Variants in PRPF8 observed in about 807,000 individuals in gnomAD.
PRPF8 encodes pre-mRNA processing factor 8.
A neutral mutation model predicts 285.9 loss-of-function variants in PRPF8; 64 were observed. The observed-to-expected ratio is 0.22, with a 90% CI of 0.18 to 0.28. PRPF8 has a LOEUF of 0.28. Among genes scored for constraint, PRPF8 ranks in the 10% least tolerant of loss-of-function variants. PRPF8 has a pLI of 1.00. For missense variants in PRPF8, 1,426 were observed against 3,026.7 expected, an observed-to-expected ratio of 0.47 and a Z score of 12.41; for synonymous variants, 1,325 against 1,118.2, an observed-to-expected ratio of 1.18 and a Z score of -3.69.
At chr17:1,670,935 CAA>C (rs760394063) in intron 24 of PRPF8, among the ~76,000 whole-genome samples, 6 of 119,958 alleles carry the variant, frequency 5.0e-5, no homozygotes, top group Non-Finnish European at 3.4e-5. Flanking sequence ...TGTGGGAAGC[CAA>C]AAAAAAAAAA....
At position 1,653,948 on chromosome 17, in the gene PRPF8, G is replaced by A. The variant is rs756003229; in HGVS notation, c.6056C>T (p.Pro2019Leu). ...DIILGMEISA[P>L]SQQRQQIAEI... Reference sequence around the variant, plus strand: ...AGCGATCTGCTGCCGCTGCTGTGACGGTGCCGAGATCTCCATACCCAGGAT... The same window carrying A: ...AGCGATCTGCTGCCGCTGCTGTGACAGTGCCGAGATCTCCATACCCAGGAT... The change falls in exon 38 of 43, where the codon CCG becomes CTG. Residue 2019 changes from proline to leucine, a missense_variant. By Grantham distance (98) the Pro-to-Leu change is moderately conservative (BLOSUM62 -3). This residue lies in a region of PRPF8 where 160 missense variants were observed against 373.7 expected (regional missense o/e 0.43). Coordinates refer to ENST00000304992, the MANE Select transcript of PRPF8 (RefSeq NM_006445.4). This position sits in a 1 kb window ranked among gnomAD's most constrained non-coding sequence, Gnocchi z 4.9. 1.9e-6 allele frequency: 3 copies of A among 1,613,542 alleles called. No individual in the cohort carries two copies. The highest frequency in any genetic ancestry group is 1.3e-5 in the African/African-American group (1 of 74,682).
chr17:1,670,156 T>C (rs75074800), intron 24 of PRPF8, among the ~76,000 whole-genome samples: 17,829 of 152,246 alleles, frequency 0.12, 1,397 homozygotes, highest in Middle Eastern at 0.19. Flanking sequence ...TGTGTATATA[T>C]GTACTTAAAT....
rs769587384 is a variant in PRPF8, at chr17:1,680,710, C to T, written c.1098+16G>A. On this transcript the variant is annotated intron_variant, in intron 8 of 42. Coordinates refer to ENST00000304992, the MANE Select transcript of PRPF8 (RefSeq NM_006445.4). ...TCCTAGAAGAGCTGAGGGAAAGCAT[C>T]CCTTCCCTTCCTCACCTTGACTGAG... 14 of 1,589,654 alleles carry T rather than the reference C, an allele frequency of 8.8e-6. No individual in the cohort carries two copies. The Admixed American group carries it at 2.3e-4, about 27-fold the overall frequency.
chr17:1,654,100 G>C, intron 37 of PRPF8, 84 bp from the exon 38 acceptor site: 1 of 1,602,020 alleles, frequency 6.2e-7, no homozygotes, highest in Non-Finnish European at 8.5e-7. Context: ...AACTTGGTAG[G>C]ACAGGACAGC....
chr17:1,654,213 C>G (rs1273743000), intron 37 of PRPF8, 197 bp from the exon 38 acceptor site: 2 of 760,728 alleles, frequency 2.6e-6, no homozygotes, highest in Non-Finnish European at 4.5e-6. Flanking sequence ...AGCGGGACAG[C>G]ACACTGCGTG....
At position 1,661,368 on chromosome 17, in the gene PRPF8, C is replaced by T; in HGVS notation, c.4241G>A (p.Arg1414His). The T allele has an allele frequency of 6.2e-7, 1 of 1,614,164 alleles. No homozygotes were observed. The highest frequency in any genetic ancestry group is 8.5e-7 in the Non-Finnish European group (1 of 1,180,028). The change falls in exon 27 of 43, where the codon CGT (arginine) becomes CAT (histidine). Residue 1414 changes from arginine to histidine, a missense_variant. This residue lies in a region of PRPF8 where 40 missense variants were observed against 121.6 expected (regional missense o/e 0.33). Transcript: ENST00000304992. This position sits in a 1 kb window ranked among gnomAD's most constrained non-coding sequence, Gnocchi z 7.3. The part of the protein sequence containing the change: ...TLEDLEDSWD[R>H]GIPRINTLFQ... Reference sequence around the variant, plus strand: ...GAGGGTATTGATTCGAGGAATGCCACGATCCCATGAATCTTCTAGGTCTTC... The same window carrying T: ...GAGGGTATTGATTCGAGGAATGCCATGATCCCATGAATCTTCTAGGTCTTC...
In PRPF8 at chr17:1,658,207, A is replaced by G; in HGVS notation, c.5505+46T>C. ...TATTACCAAGTCCACCCCAAGAATA[A>G]GAGGCAACATGGTTCTACAGCCTCT... On this transcript the variant is annotated intron_variant, in intron 34 of 42. Transcript: ENST00000304992. This position sits in a 1 kb window ranked among gnomAD's most constrained non-coding sequence, Gnocchi z 4.1. 3 of 1,613,526 alleles carry G rather than the reference A, an allele frequency of 1.9e-6. No homozygotes were observed. The highest frequency in any genetic ancestry group is 2.5e-6 in the Non-Finnish European group (3 of 1,179,954).
intron 13 of PRPF8, among the ~76,000 whole-genome samples, chr17:1,678,170 C>A (rs555980590): frequency 1.9e-4 from 29 of 152,218 alleles, no homozygotes; most frequent in Admixed American, 1.8e-3. Context: ...CAAAAACTAG[C>A]CAGGCATGGT....
At position 1,659,410 on chromosome 17, in the gene PRPF8, G is replaced by A. The variant is rs1375548386; in HGVS notation, c.5085C>T (p.Tyr1695=). The change falls in exon 32 of 43, where the codon TAC becomes TAT. Residue 1695 remains tyrosine, a synonymous_variant. Transcript: ENST00000304992. This position sits in a 1 kb window ranked among gnomAD's most constrained non-coding sequence, Gnocchi z 5.1. ...CGATGAGTACACCTGTGGGCGAAGG[G>A]TAGATACTCATGTTGTCGGTGGTGT... The part of the protein sequence containing the change: ...LDYTTDNMSI[Y]PSPTGVLIAI... The A allele has an allele frequency of 5.6e-6, 9 of 1,614,026 alleles. No homozygotes were observed. The highest frequency in any genetic ancestry group is 7.6e-6 in the Non-Finnish European group (9 of 1,180,028).
Position 1,664,510 on chromosome 17 carries a change from CAA to C in PRPF8, c.3775-2359_3775-2358del, listed in dbSNP as rs570994715. On this transcript the variant is annotated intron_variant, in intron 24 of 42. Coordinates refer to ENST00000304992, the MANE Select transcript of PRPF8 (RefSeq NM_006445.4). ...CAAGAGAGACTGTACGCTAGGACATCAAAAAGTCAGCCTCAGCCAGGTGCAGT... is the reference window on the plus strand; with the variant it reads ...CAAGAGAGACTGTACGCTAGGACATCAAAGTCAGCCTCAGCCAGGTGCAGT... Among the ~76,000 whole-genome samples, 24 of 152,228 alleles carry C rather than the reference CAA, an allele frequency of 1.6e-4. No homozygotes were observed. In the South Asian group the frequency reaches 4.8e-3, roughly 30 times the overall value.
rs1912899166 is a variant in PRPF8 at position 1,681,119 on chromosome 17, C to T, written c.867-65G>A. On this transcript the variant is annotated intron_variant, in intron 6 of 42. Coordinates refer to ENST00000304992, the MANE Select transcript of PRPF8 (RefSeq NM_006445.4). Reference sequence around the variant, plus strand: ...TTGAGACAGGGTCTCACTCTTATCACCCAAGCTGGAATGCAATGGCATGAT... The same window carrying T: ...TTGAGACAGGGTCTCACTCTTATCATCCAAGCTGGAATGCAATGGCATGAT... The T allele has an allele frequency of 6.5e-6, 10 of 1,528,416 alleles. No individual in the cohort carries two copies. The South Asian group carries it at 1.1e-4, about 17-fold the overall frequency. The allele number at this position is 1,528,416 out of a possible 1,614,324, so 94.7% of individuals were successfully genotyped here.
chr17:1,682,265 G>A lies in PRPF8; in HGVS notation c.298C>T (p.Leu100Phe). Reference protein sequence around the residue: ...GALKYMPHAVLKLLENMPMPW... With the variant: ...GALKYMPHAVFKLLENMPMPW... ...ATAGGCATGTTCTCCAGGAGTTTGA[G>A]GACTGCGTGGGGCATGTACTTTAGG... Residue 100 changes from leucine (L) to phenylalanine (F), a missense_variant, in exon 4 of 43, where the codon CTC becomes TTC. Physicochemically the swap from Leu to Phe is conservative, Grantham distance 22 (BLOSUM62 0). Coordinates refer to ENST00000304992, the MANE Select transcript of PRPF8 (RefSeq NM_006445.4). 2 of 1,614,168 alleles carry A rather than the reference G, an allele frequency of 1.2e-6. No individual in the cohort carries two copies. The highest frequency in any genetic ancestry group is 2.7e-5 in the African/African-American group (2 of 75,032).
Position 1,675,309 on chromosome 17 carries a change from G to C in PRPF8, c.2903C>G (p.Thr968Arg), listed in dbSNP as rs923112217. ...CATGACATTGCACTCGCCTTCACTC[G>C]TCTCCCACACGTCCTGCAGGTTATT... Reference protein sequence around the residue: ...GINNLQDVWETSEGECNVMLE... With the variant: ...GINNLQDVWERSEGECNVMLE... The change falls in exon 20 of 43, where the codon ACG (threonine) becomes AGG (arginine). Residue 968 changes from threonine to arginine, a missense_variant. By Grantham distance (71) the Thr-to-Arg change is moderately conservative (BLOSUM62 -1). This residue lies in a region of PRPF8 where 37 missense variants were observed against 43.4 expected (regional missense o/e 0.85). Transcript: ENST00000304992. This position sits in a 1 kb window ranked among gnomAD's most constrained non-coding sequence, Gnocchi z 6.0. 1.2e-6 allele frequency: 2 copies of C among 1,614,072 alleles called. No homozygotes were observed. Among genetic ancestry groups the C allele is most frequent in the Non-Finnish European group, 1.7e-6 (2 of 1,180,034 alleles).
intron 37 of PRPF8, 68 bp downstream of exon 37, chr17:1,655,282 G>T: frequency 6.3e-7 from 1 of 1,575,632 alleles, no homozygotes; most frequent in East Asian, 2.3e-5. Flanking sequence ...CTAAGCCTAA[G>T]TGCTTCCAAA....
chr17:1,681,096 G>A, intron 6 of PRPF8, 42 bp from the exon 7 acceptor site: 1 of 1,532,272 alleles, frequency 6.5e-7, no homozygotes, highest in Non-Finnish European at 9.0e-7. Context: ...TTTTTTTTTT[G>A]AGACAGGGTC....
In PRPF8 at chr17:1,658,367, G is replaced by A; in HGVS notation, c.5391C>T (p.Asn1797=). The change falls in exon 34 of 43, where the codon AAC becomes AAT. Residue 1797 remains asparagine (N), a synonymous_variant. Transcript: ENST00000304992. The surrounding 1 kb of genome is among the most constrained non-coding windows in gnomAD (Gnocchi z 4.1). ...RVTIHKTFEG[N]LTTKPINGAI... is the part of the protein sequence containing the mutation. Reference sequence around the variant, plus strand: ...CTCCGTTGATGGGCTTGGTTGTCAAGTTCCCTTCAAAGGTCTAGAGGAGGA... The same window carrying A: ...CTCCGTTGATGGGCTTGGTTGTCAAATTCCCTTCAAAGGTCTAGAGGAGGA... The A allele has an allele frequency of 6.2e-7, 1 of 1,614,170 alleles. No homozygotes were observed. Among genetic ancestry groups the A allele is most frequent in the Non-Finnish European group, 8.5e-7 (1 of 1,180,042 alleles).
At chr17:1,670,951 G>A (rs1177795742) in intron 24 of PRPF8, among the ~76,000 whole-genome samples, 1 of 150,976 alleles carries the variant, frequency 6.6e-6, no homozygotes, top group East Asian at 1.9e-4. Flanking sequence ...AAAAAAAGAA[G>A]AAAAACACAT....
intron 34 of PRPF8, 106 bp from the exon 35 acceptor site, chr17:1,656,867 C>A: frequency 9.7e-7 from 1 of 1,031,422 alleles, no homozygotes; most frequent in Non-Finnish European, 1.5e-6. Context: ...TTCTATTGAA[C>A]ACTGATGTTA....
chr17:1,680,089 C>T (rs1293797791), intron 8 of PRPF8, among the ~76,000 whole-genome samples: 1 of 152,170 alleles, frequency 6.6e-6, no homozygotes, highest in Admixed American at 6.5e-5. Flanking sequence ...TCATCTCCCA[C>T]CCAAGCTCCA....
Sources: gnomAD v4.1 joint callset for allele counts (sites outside exome capture counted in the v4.1 genomes callset) on GRCh38, gnomAD v4.1.1 for gene constraint, gnomAD v4.1.1 regional missense constraint, Gnocchi (gnomAD v3.1) non-coding constraint, MANE v1.5 for transcripts, NCBI Gene and HGNC (gene_info 2026-07-23, HGNC 2026-07-21) for gene names.